The following TNR variants were observed in gnomAD, a reference collection of about 807,000 sequenced individuals.
TNR encodes the protein tenascin-R.
TNR carries 45 observed loss-of-function variants against 150.4 expected under a neutral mutation model. The ratio of observed to expected loss-of-function variants is 0.30; its 90% confidence interval spans 0.24 to 0.38. The LOEUF is 0.38. Ranked by LOEUF, TNR falls within the 10% of genes least tolerant of loss-of-function variation. The probability of loss-of-function intolerance (pLI) is 1.00; values close to 1 mark genes in which losing one functional copy is unlikely to be tolerated. For synonymous variants in TNR, 687 were observed against 678.4 expected (o/e 1.01, Z -0.20); for missense variants, 1,544 against 1,759.1 (o/e 0.88, Z 2.19).
rs772645381 is a variant in TNR at position 175,365,101 on chromosome 1, C to A, written c.2496G>T (p.Met832Ile). The A allele has an allele frequency of 3.1e-6, 5 of 1,614,088 alleles. No individual in the cohort carries two copies. In the South Asian group the frequency reaches 5.5e-5, roughly 18 times the overall value. Reference sequence around the variant, plus strand: ...TATACTCTGTGGCTGGTTGCAGGCCCATCAGGACAGCATGCCTCTTGGTGG... The same window carrying A: ...TATACTCTGTGGCTGGTTGCAGGCCAATCAGGACAGCATGCCTCTTGGTGG... ...LDATKRHAVLMGLQPATEYIV... is the reference protein window; with the variant it reads ...LDATKRHAVLIGLQPATEYIV... The change falls in exon 12 of 23, where the codon ATG becomes ATT. Residue 832 changes from methionine (M) to isoleucine (I), a missense_variant. Physicochemically the swap from Met to Ile is conservative, Grantham distance 10. Transcript: ENST00000367674.
chr1:175,724,655 T>C (rs1313890975), intron 1 of TNR, among the ~76,000 whole-genome samples: 1 of 152,168 alleles, frequency 6.6e-6, no homozygotes, highest in Non-Finnish European at 1.5e-5. Context: ...AAATTTAATG[T>C]TTATGTTTTA....
chr1:175,737,679 A>T (rs1302956592), intron 1 of TNR, among the ~76,000 whole-genome samples: 1 of 152,174 alleles, frequency 6.6e-6, no homozygotes, highest in Admixed American at 6.5e-5. Context: ...TTAAATAACC[A>T]CAACTTCCTC....
intron 18 of TNR, among the ~76,000 whole-genome samples, chr1:175,351,597 ATGTGCCAGGCTT>A (rs1651055356): frequency 6.6e-6 from 1 of 152,226 alleles, no homozygotes; most frequent in South Asian, 2.1e-4. Context: ...TATGTCTGGT[ATGTGCCAGGCTT>A]TGTGCAAGAT....
At chr1:175,339,014 G>A (rs1650388323) in intron 18 of TNR, among the ~76,000 whole-genome samples, 1 of 152,356 alleles carries the variant, frequency 6.6e-6, no homozygotes, top group African/African-American at 2.4e-5. Flanking sequence ...ACCAGGGAAT[G>A]ACAATAAATT....
At chr1:175,699,896 A>T (rs1043486013) in intron 1 of TNR, among the ~76,000 whole-genome samples, 1 of 151,892 alleles carries the variant, frequency 6.6e-6, no homozygotes, top group East Asian at 1.9e-4. Flanking sequence ...TATTTGTATC[A>T]CTAGCTGATA....
intron 2 of TNR, among the ~76,000 whole-genome samples, chr1:175,408,655 C>T (rs10912972): frequency 0.18 from 27,784 of 152,096 alleles, 2,707 homozygotes; most frequent in Middle Eastern, 0.27. Context: ...CTCTCTGTGC[C>T]TCAGTTTCCC....
intron 2 of TNR, among the ~76,000 whole-genome samples, chr1:175,418,661 T>C (rs1191733819): frequency 6.6e-6 from 1 of 151,332 alleles, no homozygotes; most frequent in Non-Finnish European, 1.5e-5. Flanking sequence ...GAGGCGGAGG[T>C]TGCAGTGAGC....
chr1:175,364,643 G>A (rs150675338), intron 12 of TNR, among the ~76,000 whole-genome samples: 2 of 152,356 alleles, frequency 1.3e-5, no homozygotes, highest in African/African-American at 4.8e-5. Context: ...TTTCTGGGCA[G>A]TTAAGAGATG....
intron 2 of TNR, among the ~76,000 whole-genome samples, chr1:175,434,959 C>T (rs1299684907): frequency 1.3e-5 from 2 of 152,186 alleles, no homozygotes; most frequent in African/African-American, 2.4e-5. Flanking sequence ...TTTTCACTCC[C>T]ACAGCCAGCA....
At chr1:175,468,331 T>C (rs1475623596) in intron 2 of TNR, among the ~76,000 whole-genome samples, 1 of 152,210 alleles carries the variant, frequency 6.6e-6, no homozygotes, top group Non-Finnish European at 1.5e-5. Context: ...ATACTTGCCC[T>C]GTGGAGTGCC....
At chr1:175,633,164 C>A (rs1229495074) in intron 1 of TNR, among the ~76,000 whole-genome samples, 1 of 152,194 alleles carries the variant, frequency 6.6e-6, no homozygotes, top group African/African-American at 2.4e-5. Flanking sequence ...TGGTTCAAAC[C>A]TACATCCATC....
chr1:175,379,448 A>G lies in TNR; in HGVS notation c.1963+104T>C, dbSNP rs1652565262. Reference sequence around the variant, plus strand: ...TGCTAGGCACTTAAGAGATGAGATCAATAGGAATTGGCCATGGGTTTGTAA... The same window carrying G: ...TGCTAGGCACTTAAGAGATGAGATCGATAGGAATTGGCCATGGGTTTGTAA... On this transcript the variant is annotated intron_variant, in intron 9 of 22. Transcript: ENST00000367674. The G allele has an allele frequency of 3.0e-6, 3 of 985,254 alleles. No homozygotes were observed. In the South Asian group the frequency reaches 4.9e-5, roughly 16 times the overall value. The allele number at this position is 985,254 out of a possible 1,614,324, so 61.0% of individuals were successfully genotyped here.
chr1:175,448,016 AG>A, intron 2 of TNR, among the ~76,000 whole-genome samples: 1 of 152,126 alleles, frequency 6.6e-6, no homozygotes, highest in Non-Finnish European at 1.5e-5. Context: ...GCTTTCCACT[AG>A]GAAAAGAAAA....
At chr1:175,670,208 T>C (rs530981510) in intron 1 of TNR, among the ~76,000 whole-genome samples, 66 of 152,302 alleles carry the variant, frequency 4.3e-4, no homozygotes, top group African/African-American at 1.6e-3. Flanking sequence ...ATTTCCTATG[T>C]CCAGGGGCAC....
At chr1:175,642,663 G>A (rs1030471250) in intron 1 of TNR, among the ~76,000 whole-genome samples, 1 of 152,180 alleles carries the variant, frequency 6.6e-6, no homozygotes, top group Admixed American at 6.6e-5. Flanking sequence ...CTGCTGCGGT[G>A]TCTCACACCT....
chr1:175,547,756 C>T (rs1472713718), intron 1 of TNR, among the ~76,000 whole-genome samples: 1 of 151,980 alleles, frequency 6.6e-6, no homozygotes, highest in Non-Finnish European at 1.5e-5. Context: ...GCAAAGGCAC[C>T]AAAGTGTGAC....
chr1:175,625,953 T>C (rs28541779), intron 1 of TNR, among the ~76,000 whole-genome samples: 3,155 of 143,362 alleles, frequency 0.022, 114 homozygotes, highest in African/African-American at 0.079. Context: ...TTCCCAAGTG[T>C]TGTGGGAGGG....
In TNR at chr1:175,365,847, C is replaced by G. The variant is rs200613422; in HGVS notation, c.2317+28G>C. The G allele has an allele frequency of 2.2e-5, 36 of 1,602,724 alleles. 1 individual carries two copies. In the Admixed American group the frequency reaches 3.5e-4, roughly 16 times the overall value. ...CACTGAGATCCACTGATCCCTGAAC[C>G]TGGCTGGGATTTCTGCTGCTCTGGT... On this transcript the variant is annotated intron_variant, in intron 11 of 22. Transcript: ENST00000367674.
chr1:175,602,573 A>T (rs969562506), intron 1 of TNR, among the ~76,000 whole-genome samples: 2 of 152,240 alleles, frequency 1.3e-5, no homozygotes, highest in Non-Finnish European at 2.9e-5. Context: ...ATTTACGGAC[A>T]CTGCACTGTG....
Sources: gnomAD v4.1 joint callset for allele counts (sites outside exome capture counted in the v4.1 genomes callset) on GRCh38, gnomAD v4.1.1 for gene constraint, MANE v1.5 for transcripts, NCBI Gene and HGNC (gene_info 2026-07-23, HGNC 2026-07-21) for gene names.